Variants in DCLK2 observed in about 807,000 individuals in gnomAD.
The protein encoded by DCLK2 is serine/threonine-protein kinase DCLK2.
Under a neutral mutation model 78.4 loss-of-function variants are expected in DCLK2, and 31 were observed. The observed-to-expected ratio is 0.40, with a 90% CI of 0.30 to 0.53. The LOEUF (loss-of-function observed/expected upper bound fraction) is 0.53, where lower values mean the gene tolerates loss of function less well. Among genes scored for constraint, DCLK2 ranks in the 20% least tolerant of loss-of-function variants. The pLI is 0.61. For missense variants in DCLK2, 872 were observed against 973.7 expected, an observed-to-expected ratio of 0.90 and a Z score of 1.39; for synonymous variants, 407 against 374.9, an observed-to-expected ratio of 1.09 and a Z score of -0.99.
intron 3 of DCLK2, 24 bp downstream of exon 3, chr4:150,193,264 C>T (rs1257148443): frequency 1.3e-5 from 19 of 1,476,406 alleles, no homozygotes; most frequent in Non-Finnish European, 1.5e-5. Context: ...TCAGCTAATT[C>T]ATTTTTCCAT....
At chr4:150,087,394 CTA>C (rs1297785040) in intron 1 of DCLK2, among the ~76,000 whole-genome samples, 23 of 152,266 alleles carry the variant, frequency 1.5e-4, no homozygotes, top group Middle Eastern at 3.4e-3. Context: ...TCTTCCTTCA[CTA>C]TATGTTTTTA....
intron 2 of DCLK2, among the ~76,000 whole-genome samples, chr4:150,118,499 C>A (rs755739601): frequency 2.6e-5 from 4 of 152,022 alleles, no homozygotes; most frequent in Admixed American, 6.5e-5. Context: ...AGAAAAAAAT[C>A]TTTCAATTTT....
At chr4:150,239,634 G>C in intron 10 of DCLK2, 108 bp from the exon 11 acceptor site, 7 of 1,372,164 alleles carry the variant, frequency 5.1e-6, no homozygotes, top group Non-Finnish European at 6.0e-6. Context: ...GATTTCATTC[G>C]AGTTTAATAG....
intron 2 of DCLK2, among the ~76,000 whole-genome samples, chr4:150,192,818 T>C (rs983616813): frequency 6.6e-6 from 1 of 152,062 alleles, no homozygotes; most frequent in African/African-American, 2.4e-5. Flanking sequence ...GCAGAGGCCT[T>C]CATGAATGTC....
At chr4:150,161,569 C>T (rs1321518098) in intron 2 of DCLK2, among the ~76,000 whole-genome samples, 1 of 152,108 alleles carries the variant, frequency 6.6e-6, no homozygotes, top group Non-Finnish European at 1.5e-5. Context: ...AATACAGTAA[C>T]TCACAGAAGA....
At chr4:150,131,403 A>G (rs1560797771) in intron 2 of DCLK2, among the ~76,000 whole-genome samples, 1 of 152,164 alleles carries the variant, frequency 6.6e-6, no homozygotes, top group African/African-American at 2.4e-5. Flanking sequence ...TATTCTTTGT[A>G]TGAAGAAAAA....
At chr4:150,234,478 A>G (rs1161842928) in intron 10 of DCLK2, among the ~76,000 whole-genome samples, 1 of 152,250 alleles carries the variant, frequency 6.6e-6, no homozygotes, top group African/African-American at 2.4e-5. Context: ...GTGCTAGAGC[A>G]TGAGCCTCTA....
In DCLK2 at chr4:150,117,670, G is replaced by A. The variant is rs758986048; in HGVS notation, c.756+14858G>A. On this transcript the variant is annotated intron_variant, in intron 2 of 15. Coordinates refer to ENST00000296550, the MANE Select transcript of DCLK2 (RefSeq NM_001040260.4). Reference sequence around the variant, plus strand: ...GAGTCTGGGAATGCATATAAAGCCCGTCCTGATGCCACTGCTTCTCATATA... The same window carrying A: ...GAGTCTGGGAATGCATATAAAGCCCATCCTGATGCCACTGCTTCTCATATA... Among the ~76,000 whole-genome samples the A allele has an allele frequency of 1.1e-3, 169 of 152,232 alleles. 2 individuals carry two copies. Among genetic ancestry groups the A allele is most frequent in the Middle Eastern group, 3.4e-3 (1 of 294 alleles).
At chr4:150,184,452 G>C (rs1737754051) in intron 2 of DCLK2, among the ~76,000 whole-genome samples, 1 of 152,140 alleles carries the variant, frequency 6.6e-6, no homozygotes, top group South Asian at 2.1e-4. Flanking sequence ...TAGAATCTTA[G>C]AGCAGGAAGG....
At chr4:150,168,124 A>T (rs1025907035) in intron 2 of DCLK2, among the ~76,000 whole-genome samples, 5 of 152,162 alleles carry the variant, frequency 3.3e-5, no homozygotes, top group Non-Finnish European at 5.9e-5. Context: ...CGGGCGGATC[A>T]CGAGGTCAGG....
intron 2 of DCLK2, among the ~76,000 whole-genome samples, chr4:150,140,894 T>C (rs1734063718): frequency 6.6e-6 from 1 of 152,214 alleles, no homozygotes; most frequent in Non-Finnish European, 1.5e-5. Context: ...TATAAAGAAG[T>C]TGGATGGAAA....
intron 2 of DCLK2, among the ~76,000 whole-genome samples, chr4:150,174,014 G>C (rs1189762551): frequency 1.3e-5 from 2 of 152,050 alleles, no homozygotes; most frequent in Non-Finnish European, 2.9e-5. Context: ...AAAGAAGGAG[G>C]GTATATCAAA....
intron 3 of DCLK2, among the ~76,000 whole-genome samples, chr4:150,195,433 T>A (rs1372743100): frequency 2.9e-4 from 2 of 6,960 alleles, no homozygotes; most frequent in East Asian, 2.9e-3. Context: ...ATATTATATA[T>A]TATATATATA....
At chr4:150,095,580 CAT>C (rs1202065087) in intron 1 of DCLK2, among the ~76,000 whole-genome samples, 4 of 152,274 alleles carry the variant, frequency 2.6e-5, no homozygotes, top group South Asian at 4.1e-4. Flanking sequence ...CTCCTATGAA[CAT>C]GTGTGTGTAT....
At chr4:150,229,154 A>G (rs1580758514) in intron 8 of DCLK2, among the ~76,000 whole-genome samples, 1 of 152,112 alleles carries the variant, frequency 6.6e-6, no homozygotes, top group African/African-American at 2.4e-5. Context: ...AGCCCTGGCA[A>G]TATAGTGAGA....
chr4:150,194,381 T>G, intron 3 of DCLK2, among the ~76,000 whole-genome samples: 1 of 152,288 alleles, frequency 6.6e-6, no homozygotes, highest in Non-Finnish European at 1.5e-5. Context: ...AATAATGCAC[T>G]TCTCGAATGT....
chr4:150,222,842 G>A (rs1300331169), intron 7 of DCLK2, among the ~76,000 whole-genome samples: 1 of 151,598 alleles, frequency 6.6e-6, no homozygotes, highest in African/African-American at 2.4e-5. Flanking sequence ...CTTCAGCCTG[G>A]GCAACAGACC....
chr4:150,135,022 C>T (rs1341777074), intron 2 of DCLK2, among the ~76,000 whole-genome samples: 4 of 152,090 alleles, frequency 2.6e-5, no homozygotes, highest in Non-Finnish European at 5.9e-5. Context: ...TGAGAAAATT[C>T]TGATTTAATT....
In DCLK2 at chr4:150,232,435, T is replaced by C. The variant is rs769328114; in HGVS notation, c.1398T>C (p.Phe466=). The stretch of plus-strand genomic sequence containing the variant: ...AGATGGAAACAGCAACTGAGCTCTT[T>C]CTGGTGATGGAATTGGTCAAAGTAA... ...VEEMETATEL[F]LVMELVKGGD... Residue 466 remains phenylalanine (F), a synonymous_variant, in exon 9 of 16, where the codon TTT becomes TTC. Transcript: ENST00000296550. The C allele has an allele frequency of 9.3e-6, 15 of 1,613,950 alleles. No individual in the cohort carries two copies. In the South Asian group the frequency reaches 1.6e-4, roughly 18 times the overall value.
Sources: allele counts gnomAD v4.1 joint callset (sites outside exome capture counted in the v4.1 genomes callset), GRCh38; gene constraint gnomAD v4.1.1; transcripts MANE v1.5; gene names NCBI Gene and HGNC (gene_info 2026-07-23, HGNC 2026-07-21).